CFAP47: variants seen among roughly 807,000 people sequenced by gnomAD.
CFAP47 encodes the protein cilia and flagella associated protein 47.
Under a neutral mutation model 148.1 loss-of-function variants are expected in CFAP47, and 29 were observed. The observed-to-expected ratio is 0.20, with a 90% CI of 0.15 to 0.27. CFAP47 has a LOEUF of 0.27. Among genes scored for constraint, CFAP47 ranks in the 10% least tolerant of loss-of-function variants. The pLI, the probability that CFAP47 is intolerant of heterozygous loss-of-function variation, is 1.00. For missense variants in CFAP47, 1,872 were observed against 1,697.5 expected, an observed-to-expected ratio of 1.10 and a Z score of -1.81; for synonymous variants, 664 against 577.3, an observed-to-expected ratio of 1.15 and a Z score of -2.15.
Position 36,385,002 on chromosome X carries a change from A to G in CFAP47, c.9560A>G (p.Gln3187Arg), listed in dbSNP as rs1192952534. ...TIKGAPLVKN[Q>R] ...AAGGGTGCTCCTTTGGTGAAGAATC[A>G]ATAAAATTTTTTTCCAAAATATTTC... The change falls in exon 64 of 64, where the codon CAA becomes CGA. Residue 3187 changes from glutamine to arginine, a missense_variant. Transcript: ENST00000378653. 29 of 1,146,073 alleles carry G rather than the reference A, an allele frequency of 2.5e-5. No homozygotes were observed. Among genetic ancestry groups the G allele is most frequent in the Non-Finnish European group, 3.3e-5 (28 of 854,547 alleles). 94.4% of individuals were successfully genotyped at this position (1,146,073 alleles called of 1,213,427 possible). A position where few individuals can be genotyped will look rare whatever the true frequency, so the allele number is the denominator to read the frequency against.
intron 45 of CFAP47, among the ~76,000 whole-genome samples, chrX:36,213,025 A>C (rs1320876642): frequency 9.0e-6 from 1 of 111,216 alleles, no homozygotes; most frequent in East Asian, 2.8e-4. Flanking sequence ...AAACACGAGA[A>C]TTTCTTGAAC....
intron 16 of CFAP47, chrX:35,989,824 T>C (rs1936766738): frequency 5.3e-6 from 1 of 190,003 alleles, no homozygotes; most frequent in African/African-American, 3.0e-5. Flanking sequence ...TCAATGTTCT[T>C]AGAAATATTA....
intron 29 of CFAP47, among the ~76,000 whole-genome samples, chrX:36,082,697 A>G (rs770638437): frequency 9.0e-6 from 1 of 111,355 alleles, no homozygotes; most frequent in Non-Finnish European, 1.9e-5. Flanking sequence ...GGGAAGCTTA[A>G]GGAAAGCTTG....
At position 36,014,791 on chromosome X, in the gene CFAP47, C is replaced by T. The variant is rs182085967; in HGVS notation, c.3435C>T (p.Phe1145=). 3.8e-3 allele frequency: 1,111 copies of T among 292,201 alleles called. 14 individuals carry two copies. The highest frequency in any genetic ancestry group is 0.028 in the African/African-American group (995 of 36,038). The allele number at this position is 292,201 out of a possible 1,213,427, so 24.1% of individuals were successfully genotyped here. A position where few individuals can be genotyped will look rare whatever the true frequency, so the allele number is the denominator to read the frequency against. Reference sequence around the variant, plus strand: ...TGTATCAGGTGACAGTAGTTGAATTCATCATTCAAGTTCAGATTAATTTCT... The same window carrying T: ...TGTATCAGGTGACAGTAGTTGAATTTATCATTCAAGTTCAGATTAATTTCT... The part of the protein sequence containing the change: ...FSPKEVTVVE[F]IIQVQINFFE... Residue 1145 remains phenylalanine, a synonymous_variant, in exon 22 of 64, where the codon TTC becomes TTT. Transcript: ENST00000378653.
At chrX:36,316,445 A>C (rs1556010983) in intron 56 of CFAP47, among the ~76,000 whole-genome samples, 1 of 112,292 alleles carries the variant, frequency 8.9e-6, no homozygotes, top group South Asian at 3.7e-4. Flanking sequence ...ATTACATTGC[A>C]ATCTTTTTTA....
chrX:36,012,715 G>A (rs1937053095), intron 21 of CFAP47, among the ~76,000 whole-genome samples: 2 of 111,594 alleles, frequency 1.8e-5, no homozygotes, highest in South Asian at 7.5e-4. Context: ...CCTAATGCAT[G>A]CGGGGCTTAA....
intron 3 of CFAP47, among the ~76,000 whole-genome samples, chrX:35,947,587 G>A (rs1936101848): frequency 1.9e-5 from 2 of 106,347 alleles, no homozygotes; most frequent in African/African-American, 6.8e-5. Flanking sequence ...CCATGCCCTA[G>A]AATGAGCAAA....
intron 39 of CFAP47, among the ~76,000 whole-genome samples, chrX:36,168,265 T>C (rs749029259): frequency 8.9e-6 from 1 of 111,943 alleles, no homozygotes; most frequent in Non-Finnish European, 1.9e-5. Context: ...TATTTCTCTG[T>C]TACTGCCTGA....
chrX:36,191,940 G>T (rs1939870403), intron 42 of CFAP47, among the ~76,000 whole-genome samples: 1 of 110,762 alleles, frequency 9.0e-6, no homozygotes, highest in African/African-American at 3.3e-5. Context: ...CCGAGATCAT[G>T]CCACTGCACT....
chrX:36,299,418 C>G (rs1556007419), intron 52 of CFAP47, among the ~76,000 whole-genome samples: 1 of 111,335 alleles, frequency 9.0e-6, no homozygotes, highest in African/African-American at 3.3e-5. Flanking sequence ...CTAAGTAAAT[C>G]TTTATGGATG....
In CFAP47 at chrX:36,277,922, G is replaced by T. The variant is rs143345982; in HGVS notation, c.7445-2565G>T. On this transcript the variant is annotated intron_variant, in intron 49 of 63. Transcript: ENST00000378653. ...AGGCTGCAGAACAGCAAGTATTGCA[G>T]AACAGCAAATATTGCTGCCTGATCC... Among the ~76,000 whole-genome samples, 727 of 111,841 alleles carry T rather than the reference G, an allele frequency of 6.5e-3. 1 individual carries two copies. The highest frequency in any genetic ancestry group is 0.023 in the African/African-American group (696 of 30,777).
chrX:36,177,165 A>G (rs1035278684), intron 39 of CFAP47, among the ~76,000 whole-genome samples: 1 of 112,107 alleles, frequency 8.9e-6, no homozygotes, highest in African/African-American at 3.2e-5. Flanking sequence ...GCATTTTTAC[A>G]GTTAATATTT....
At chrX:36,219,301 A>G (rs908745661) in intron 45 of CFAP47, among the ~76,000 whole-genome samples, 3 of 111,633 alleles carry the variant, frequency 2.7e-5, no homozygotes, top group Non-Finnish European at 3.8e-5. Context: ...TTATTGACAA[A>G]AAGAGTCTGT....
chrX:36,014,727 T>C (rs1432932325), intron 21 of CFAP47, 47 bp from the exon 22 acceptor site: 1 of 285,382 alleles, frequency 3.5e-6, no homozygotes, highest in Non-Finnish European at 6.1e-6. Context: ...TATCCCATAT[T>C]TCGCAAAGCA....
intron 33 of CFAP47, among the ~76,000 whole-genome samples, chrX:36,128,797 C>T (rs1938892235): frequency 9.1e-6 from 1 of 109,590 alleles, no homozygotes; most frequent in Non-Finnish European, 1.9e-5. Context: ...GTGAATTAAC[C>T]TTGCATCCTG....
intron 45 of CFAP47, among the ~76,000 whole-genome samples, chrX:36,222,796 A>G (rs1159535341): frequency 1.8e-5 from 2 of 109,862 alleles, no homozygotes; most frequent in Non-Finnish European, 3.8e-5. Flanking sequence ...ATACTCATGT[A>G]CATGCCTACA....
intron 8 of CFAP47, among the ~76,000 whole-genome samples, chrX:35,958,125 T>A (rs1936272714): frequency 8.9e-6 from 1 of 111,903 alleles, no homozygotes; most frequent in South Asian, 3.7e-4. Flanking sequence ...TCTATAAATA[T>A]TATATTTATA....
At chrX:36,247,859 AG>A (rs782270974) in intron 48 of CFAP47, among the ~76,000 whole-genome samples, 65 of 111,201 alleles carry the variant, frequency 5.8e-4, no homozygotes, top group Non-Finnish European at 1.0e-3. Flanking sequence ...AGAAATTGGA[AG>A]AATGTATTTT....
chrX:36,155,630 T>C (rs1318910568), intron 37 of CFAP47, among the ~76,000 whole-genome samples: 1 of 111,681 alleles, frequency 9.0e-6, no homozygotes, highest in African/African-American at 3.3e-5. Flanking sequence ...TCTTATATCA[T>C]TTAACAATTA....
Sources: gnomAD v4.1 joint callset for allele counts (sites outside exome capture counted in the v4.1 genomes callset) on GRCh38, gnomAD v4.1.1 for gene constraint, MANE v1.5 for transcripts, NCBI Gene and HGNC (gene_info 2026-07-23, HGNC 2026-07-21) for gene names.